Variants in CLEC16A observed in about 807,000 individuals in gnomAD.
CLEC16A encodes the protein C-type lectin domain containing 16A.
A neutral mutation model predicts 109.5 loss-of-function variants in CLEC16A; 51 were observed. The observed-to-expected ratio is 0.47, with a 90% CI of 0.37 to 0.59. CLEC16A has a LOEUF of 0.59. CLEC16A is among the 20% of genes least tolerant of loss of function. CLEC16A has a pLI of 0.00. For missense variants in CLEC16A, 1,339 were observed against 1,394.0 expected, an observed-to-expected ratio of 0.96 and a Z score of 0.63; for synonymous variants, 673 against 564.2, an observed-to-expected ratio of 1.19 and a Z score of -2.73.
At chr16:11,125,823 G>C (rs2052765794) in intron 21 of CLEC16A, among the ~76,000 whole-genome samples, 156 bp from the exon 22 acceptor site, 1 of 152,158 alleles carries the variant, frequency 6.6e-6, no homozygotes, top group Non-Finnish European at 1.5e-5. Flanking sequence ...TGTTCCACTG[G>C]TCTCTGCAGC....
At position 10,961,967 on chromosome 16, in the gene CLEC16A, T is replaced by TC. The variant is rs1437636004; in HGVS notation, c.210-487dup. ...TTTGGGAACTTTTTTTTCTTTTTTT[T>TC]CTTTTTTTTTTTTTTGGCTCTGTCA... On this transcript the variant is annotated intron_variant, in intron 2 of 23. Transcript: ENST00000409790. This position sits in a 1 kb window ranked among gnomAD's most constrained non-coding sequence, Gnocchi z 4.3. 1.1e-5 allele frequency among the ~76,000 whole-genome samples: 1 copy of TC among 89,074 alleles called. No homozygotes were observed. Among genetic ancestry groups the TC allele is most frequent in the Non-Finnish European group, 2.1e-5 (1 of 47,448 alleles). The allele number at this position is 89,074 out of a possible 152,430, so 58.4% of individuals were successfully genotyped here. A position where few individuals can be genotyped will look rare whatever the true frequency, so the allele number is the denominator to read the frequency against.
chr16:10,978,210 C>T (rs1020672813), intron 8 of CLEC16A, among the ~76,000 whole-genome samples: 1 of 152,162 alleles, frequency 6.6e-6, no homozygotes, highest in African/African-American at 2.4e-5. Context: ...GCCTCAGGAC[C>T]AGGAATCTGC....
At chr16:10,980,624 T>A (rs1352054574) in intron 9 of CLEC16A, among the ~76,000 whole-genome samples, 2 of 152,108 alleles carry the variant, frequency 1.3e-5, no homozygotes, top group Non-Finnish European at 2.9e-5. Context: ...GACTCCTCCC[T>A]CACCGGTTTG....
chr16:11,145,195 T>G (rs1489118435), intron 22 of CLEC16A, among the ~76,000 whole-genome samples: 3 of 152,110 alleles, frequency 2.0e-5, no homozygotes, highest in Non-Finnish European at 2.9e-5. Flanking sequence ...CTGATGGGCT[T>G]CAAGCAGAGG....
intron 11 of CLEC16A, among the ~76,000 whole-genome samples, chr16:11,011,868 G>A (rs755371681): frequency 6.6e-6 from 1 of 151,496 alleles, no homozygotes; most frequent in Non-Finnish European, 1.5e-5. Flanking sequence ...AGATTTGTAT[G>A]TTTCTTCTTG....
chr16:10,983,509 C>T (rs539505895), intron 10 of CLEC16A, among the ~76,000 whole-genome samples: 6 of 152,272 alleles, frequency 3.9e-5, no homozygotes, highest in South Asian at 2.1e-4. Flanking sequence ...GCGGGAAAAA[C>T]GCATTGTTAC....
chr16:10,971,531 GT>G (rs2042786669), intron 5 of CLEC16A: 1 of 983,218 alleles, frequency 1.0e-6, no homozygotes, highest in Non-Finnish European at 1.2e-6. Context: ...AAGCAAAGTT[GT>G]CTTTTTAATG....
intron 11 of CLEC16A, among the ~76,000 whole-genome samples, chr16:11,017,394 T>G (rs1227243939): frequency 6.6e-6 from 1 of 152,106 alleles, no homozygotes; most frequent in African/African-American, 2.4e-5. Flanking sequence ...AAGAGCCAAG[T>G]CACAATGAAT....
chr16:10,962,392 G>A, intron 2 of CLEC16A, 63 bp from the exon 3 acceptor site: 1 of 1,600,532 alleles, frequency 6.2e-7, no homozygotes, highest in South Asian at 1.1e-5. Context: ...AATGAAACCA[G>A]ATAATAATTT....
At chr16:10,967,329 T>A (rs1244222524) in intron 3 of CLEC16A, among the ~76,000 whole-genome samples, 1 of 152,222 alleles carries the variant, frequency 6.6e-6, no homozygotes, top group African/African-American at 2.4e-5. Context: ...CGGCTCCAAA[T>A]AACTTAATGG....
intron 12 of CLEC16A, chr16:11,024,400 T>C (rs2046293488): frequency 6.2e-6 from 1 of 161,656 alleles, no homozygotes; most frequent in Non-Finnish European, 1.4e-5. Flanking sequence ...TTCTTGAACT[T>C]GTTTGGATTG....
intron 10 of CLEC16A, among the ~76,000 whole-genome samples, chr16:10,995,031 G>C (rs1596954569): frequency 6.6e-6 from 1 of 152,158 alleles, no homozygotes. Context: ...CCTTGGGCAA[G>C]ATCCTCACCT....
At chr16:10,986,508 C>G (rs1306276580) in intron 10 of CLEC16A, among the ~76,000 whole-genome samples, 1 of 152,118 alleles carries the variant, frequency 6.6e-6, no homozygotes. Flanking sequence ...TGTGGAGTCA[C>G]CTGCATGACT....
chr16:11,022,069 C>T (rs542281862), intron 12 of CLEC16A, among the ~76,000 whole-genome samples: 6 of 152,122 alleles, frequency 3.9e-5, no homozygotes, highest in Non-Finnish European at 8.8e-5. Context: ...GAGATTGTTT[C>T]TTAACTTTGG....
intron 6 of CLEC16A, 123 bp from the exon 7 acceptor site, chr16:10,972,815 G>C (rs1011658313): frequency 1.9e-6 from 2 of 1,053,126 alleles, no homozygotes; most frequent in African/African-American, 3.2e-5. Context: ...GACAATTTCA[G>C]ATTATAGCAG....
chr16:11,148,874 C>A (rs1597567802), intron 22 of CLEC16A, among the ~76,000 whole-genome samples: 1 of 152,274 alleles, frequency 6.6e-6, no homozygotes, highest in East Asian at 1.9e-4. Context: ...AGAAGAGCCA[C>A]AAAAGAGAAG....
chr16:11,036,845 G>T (rs896132628), intron 13 of CLEC16A, among the ~76,000 whole-genome samples: 7 of 152,074 alleles, frequency 4.6e-5, no homozygotes, highest in Non-Finnish European at 8.8e-5. Context: ...CACCGTGCCC[G>T]GCCTAACTTT....
At chr16:11,079,746 A>G (rs1311559942) in intron 19 of CLEC16A, among the ~76,000 whole-genome samples, 1 of 152,160 alleles carries the variant, frequency 6.6e-6, no homozygotes, top group Non-Finnish European at 1.5e-5. Flanking sequence ...TTAGCCTTTA[A>G]CTGGTTTCTC....
At chr16:10,998,248 G>A (rs910176081) in intron 10 of CLEC16A, among the ~76,000 whole-genome samples, 1 of 152,144 alleles carries the variant, frequency 6.6e-6, no homozygotes, top group East Asian at 1.9e-4. Context: ...GTTAGGCCCC[G>A]GGGCACCTCT....
Sources: gnomAD v4.1 joint callset for allele counts (sites outside exome capture counted in the v4.1 genomes callset) on GRCh38, gnomAD v4.1.1 for gene constraint, Gnocchi (gnomAD v3.1) non-coding constraint, MANE v1.5 for transcripts, NCBI Gene and HGNC (gene_info 2026-07-23, HGNC 2026-07-21) for gene names.